SLC15A5: variants seen among roughly 807,000 people sequenced by gnomAD.
SLC15A5 encodes the protein solute carrier family 15 member 5, also known as Peptide/histidine transporter ENSP00000340402.
In SLC15A5, 58 loss-of-function variants were observed where a neutral mutation model predicts 56.1. The observed-to-expected ratio is 1.03, with a 90% CI of 0.84 to 1.29. SLC15A5 has a LOEUF of 1.29. Ranked by LOEUF, SLC15A5 falls within the 50% of genes most tolerant of loss-of-function variation. SLC15A5 has a pLI of 0.00. For synonymous variants in SLC15A5, 264 were observed against 250.5 expected (o/e 1.05, Z -0.51); for missense variants, 681 against 672.1 (o/e 1.01, Z -0.15).
intron 2 of SLC15A5, among the ~76,000 whole-genome samples, chr12:16,259,024 C>CTTTTTTTTTTTTTTTTTTTTTT (rs5796661): frequency 7.9e-5 from 5 of 63,218 alleles, no homozygotes; most frequent in Admixed American, 2.5e-4. Flanking sequence ...TCTTTCTTTC[C>CTTTTTTTTTTTTTTTTTTTTTT]TTTTTTTTTT....
chr12:16,250,274 A>G (rs1383900772), intron 3 of SLC15A5, among the ~76,000 whole-genome samples: 1 of 152,070 alleles, frequency 6.6e-6, no homozygotes, highest in African/African-American at 2.4e-5. Context: ...TGTGTTTATA[A>G]ATAGATAATT....
chr12:16,230,442 A>C (rs1864284637), intron 5 of SLC15A5, among the ~76,000 whole-genome samples: 1 of 152,172 alleles, frequency 6.6e-6, no homozygotes, highest in African/African-American at 2.4e-5. Context: ...CAAGAGCTGA[A>C]CCATCCCAGA....
At chr12:16,197,191 G>A (rs1468730124) in intron 7 of SLC15A5, among the ~76,000 whole-genome samples, 2 of 151,746 alleles carry the variant, frequency 1.3e-5, no homozygotes, top group Non-Finnish European at 2.9e-5. Flanking sequence ...TTTAGCATGT[G>A]GCTTTCTTTC....
At chr12:16,259,199 ATT>A (rs34426231) in intron 2 of SLC15A5, among the ~76,000 whole-genome samples, 4 of 148,106 alleles carry the variant, frequency 2.7e-5, no homozygotes, top group Non-Finnish European at 4.5e-5. Flanking sequence ...ATACCTGGTA[ATT>A]TTTTTTTTTA....
chr12:16,239,597 G>A (rs1446132872), intron 5 of SLC15A5, 84 bp downstream of exon 5: 2 of 1,304,420 alleles, frequency 1.5e-6, no homozygotes, highest in East Asian at 5.1e-5. Flanking sequence ...CTACTCAGGA[G>A]CATATAGCTA....
intron 7 of SLC15A5, among the ~76,000 whole-genome samples, chr12:16,214,004 G>T (rs1224855143): frequency 6.6e-6 from 1 of 152,172 alleles, no homozygotes; most frequent in Non-Finnish European, 1.5e-5. Context: ...CAAGTTGCTT[G>T]TATATTGAAA....
chr12:16,218,118 A>T (rs565783595), intron 6 of SLC15A5, among the ~76,000 whole-genome samples: 17 of 152,158 alleles, frequency 1.1e-4, no homozygotes, highest in African/African-American at 4.1e-4. Flanking sequence ...AAAGATGTGA[A>T]TGAGAGTAGA....
chr12:16,224,063 GGAGAA>G (rs1200104886), intron 6 of SLC15A5, among the ~76,000 whole-genome samples: 2 of 152,250 alleles, frequency 1.3e-5, no homozygotes, highest in East Asian at 3.9e-4. Context: ...AGGAGGGAAG[GGAGAA>G]GAGAAGAGGC....
At chr12:16,214,951 T>A (rs1407613556) in intron 7 of SLC15A5, among the ~76,000 whole-genome samples, 4 of 151,882 alleles carry the variant, frequency 2.6e-5, no homozygotes, top group African/African-American at 9.7e-5. Flanking sequence ...ACGCCTGTAA[T>A]CCCAGCACTT....
At chr12:16,203,134 T>C (rs10846307) in intron 7 of SLC15A5, among the ~76,000 whole-genome samples, 79,704 of 151,886 alleles carry the variant, frequency 0.52, 21,337 homozygotes, top group South Asian at 0.73. Flanking sequence ...AATGTTCTCA[T>C]CACCAAGAAA....
chr12:16,206,866 C>CA (rs1864024653), intron 7 of SLC15A5, among the ~76,000 whole-genome samples: 1 of 152,128 alleles, frequency 6.6e-6, no homozygotes, highest in South Asian at 2.1e-4. Flanking sequence ...GCAGAGAGAA[C>CA]AGGCATGGGT....
chr12:16,242,241 C>G (rs533433272), intron 4 of SLC15A5, among the ~76,000 whole-genome samples: 1 of 152,294 alleles, frequency 6.6e-6, no homozygotes, highest in Non-Finnish European at 1.5e-5. Flanking sequence ...GGGCAAAAAA[C>G]TAAACCCAGC....
chr12:16,249,465 C>T (rs1003202558), intron 3 of SLC15A5, among the ~76,000 whole-genome samples: 25 of 152,026 alleles, frequency 1.6e-4, no homozygotes, highest in African/African-American at 6.0e-4. Context: ...CAAAGCACAA[C>T]CCTCAAATAT....
chr12:16,242,210 A>G (rs1051969964), intron 4 of SLC15A5, among the ~76,000 whole-genome samples: 1 of 152,194 alleles, frequency 6.6e-6, no homozygotes, highest in Non-Finnish European at 1.5e-5. Context: ...TTGCCTTTGT[A>G]CTGGTGATTA....
At chr12:16,241,416 A>C (rs971929289) in intron 4 of SLC15A5, among the ~76,000 whole-genome samples, 1 of 152,226 alleles carries the variant, frequency 6.6e-6, no homozygotes, top group African/African-American at 2.4e-5. Context: ...GCTGTTACCA[A>C]GTCCACTAAT....
intron 5 of SLC15A5, among the ~76,000 whole-genome samples, chr12:16,225,680 G>A (rs1329816428): frequency 6.6e-6 from 1 of 152,178 alleles, no homozygotes; most frequent in Non-Finnish European, 1.5e-5. Context: ...CATTTATGCA[G>A]CCAACAGACA....
chr12:16,254,014 C>T (rs1326662800), intron 3 of SLC15A5, among the ~76,000 whole-genome samples: 1 of 151,986 alleles, frequency 6.6e-6, no homozygotes, highest in Non-Finnish European at 1.5e-5. Flanking sequence ...TTTATATTTG[C>T]CAAGAGCTAG....
At chr12:16,223,272 G>A (rs1013545640) in intron 6 of SLC15A5, among the ~76,000 whole-genome samples, 2 of 152,128 alleles carry the variant, frequency 1.3e-5, no homozygotes, top group Admixed American at 6.6e-5. Context: ...TGTGCCAGTT[G>A]ATAGAATGGG....
At chr12:16,220,808 GA>G (rs1864179406) in intron 6 of SLC15A5, among the ~76,000 whole-genome samples, 1 of 152,030 alleles carries the variant, frequency 6.6e-6, no homozygotes, top group South Asian at 2.1e-4. Context: ...TATAATGGCA[GA>G]AATTTTTGTC....
Sources: allele counts gnomAD v4.1 joint callset (sites outside exome capture counted in the v4.1 genomes callset), GRCh38; gene constraint gnomAD v4.1.1; transcripts MANE v1.5; gene names NCBI Gene and HGNC (gene_info 2026-07-23, HGNC 2026-07-21).